The following TRHDE variants were observed in gnomAD, a reference collection of about 807,000 sequenced individuals.
TRHDE encodes thyrotropin-releasing hormone-degrading ectoenzyme.
Under a neutral mutation model 125.7 loss-of-function variants are expected in TRHDE, and 72 were observed. The ratio of observed to expected loss-of-function variants is 0.57; its 90% CI spans 0.47 to 0.70. TRHDE has a LOEUF of 0.70. TRHDE is among the 30% of genes least tolerant of loss of function. TRHDE has a pLI of 0.00. For missense variants in TRHDE, 1,110 were observed against 1,327.1 expected (o/e 0.84, Z 2.54); for synonymous variants, 509 against 509.1 (o/e 1.00, Z 0.00).
At chr12:72,373,338 A>C (rs1488224340) in intron 2 of TRHDE, among the ~76,000 whole-genome samples, 3 of 152,192 alleles carry the variant, frequency 2.0e-5, no homozygotes, top group Non-Finnish European at 4.4e-5. Flanking sequence ...ATCTGCAAAC[A>C]GGGACAATTT....
chr12:72,539,311 A>AG (rs1869027217), intron 6 of TRHDE, among the ~76,000 whole-genome samples: 1 of 151,884 alleles, frequency 6.6e-6, no homozygotes, highest in South Asian at 2.1e-4. Flanking sequence ...ATACCACCTT[A>AG]TTCAATAAGC....
intron 2 of TRHDE, among the ~76,000 whole-genome samples, chr12:72,229,711 G>A (rs576108719): frequency 8.0e-4 from 122 of 152,224 alleles, no homozygotes; most frequent in Non-Finnish European, 1.5e-3. Context: ...ATTAAAATTA[G>A]CTTAACTATT....
intron 2 of TRHDE, among the ~76,000 whole-genome samples, chr12:72,347,709 C>T (rs1210764080): frequency 6.6e-6 from 1 of 152,020 alleles, no homozygotes; most frequent in African/African-American, 2.4e-5. Flanking sequence ...ATGTGATCCT[C>T]TCCATACGGC....
intron 3 of TRHDE, among the ~76,000 whole-genome samples, chr12:72,415,952 C>T (rs915901152): frequency 6.6e-6 from 1 of 151,942 alleles, no homozygotes; most frequent in African/African-American, 2.4e-5. Flanking sequence ...TTTTGAGGCA[C>T]CTCCATACTG....
intron 2 of TRHDE, among the ~76,000 whole-genome samples, chr12:72,166,862 T>G (rs142307540): frequency 6.6e-6 from 1 of 151,882 alleles, no homozygotes; most frequent in African/African-American, 2.4e-5. Context: ...GTGATAAATC[T>G]AATAGTCTAT....
At chr12:72,237,293 A>G (rs1878354375) in intron 2 of TRHDE, among the ~76,000 whole-genome samples, 1 of 152,206 alleles carries the variant, frequency 6.6e-6, no homozygotes, top group South Asian at 2.1e-4. Context: ...TAAAAGATGT[A>G]CAATATTTTG....
intron 2 of TRHDE, among the ~76,000 whole-genome samples, chr12:72,135,549 GTTTT>G (rs202197870): frequency 7.1e-6 from 1 of 140,436 alleles, no homozygotes; most frequent in Non-Finnish European, 1.6e-5. Context: ...GTGTAAACAT[GTTTT>G]TTTTTTTTTT....
At chr12:72,425,694 A>G (rs561916680) in intron 3 of TRHDE, among the ~76,000 whole-genome samples, 1 of 152,060 alleles carries the variant, frequency 6.6e-6, no homozygotes, top group South Asian at 2.1e-4. Flanking sequence ...TGTTTCCAAC[A>G]TATGTTGAAA....
At chr12:72,185,567 A>G (rs927815250) in intron 2 of TRHDE, among the ~76,000 whole-genome samples, 1 of 152,184 alleles carries the variant, frequency 6.6e-6, no homozygotes, top group Non-Finnish European at 1.5e-5. Flanking sequence ...TAAATACACC[A>G]ATCAGCACCC....
At chr12:72,600,140 A>G (rs776796724) in intron 12 of TRHDE, among the ~76,000 whole-genome samples, 7 of 151,726 alleles carry the variant, frequency 4.6e-5, no homozygotes, top group Non-Finnish European at 4.4e-5. Flanking sequence ...GTTTTGGCTT[A>G]CTTACTTAGA....
At chr12:72,458,212 A>C (rs1875953918) in intron 3 of TRHDE, among the ~76,000 whole-genome samples, 1 of 152,234 alleles carries the variant, frequency 6.6e-6, no homozygotes, top group Non-Finnish European at 1.5e-5. Flanking sequence ...ATATTGAATG[A>C]GCAACTAGTA....
chr12:72,364,015 T>C (rs551574208), intron 2 of TRHDE, among the ~76,000 whole-genome samples: 11 of 152,132 alleles, frequency 7.2e-5, no homozygotes, highest in Admixed American at 3.3e-4. Flanking sequence ...TGAACTCCCA[T>C]TCACAATTGC....
intron 2 of TRHDE, among the ~76,000 whole-genome samples, chr12:72,109,798 C>T (rs1254209539): frequency 1.3e-5 from 2 of 152,008 alleles, no homozygotes; most frequent in African/African-American, 4.8e-5. Flanking sequence ...ATTGGCATGA[C>T]TGGTTTAGAT....
chr12:72,298,235 TGTGTGATAG>T (rs1378113243), intron 2 of TRHDE, among the ~76,000 whole-genome samples: 1 of 152,178 alleles, frequency 6.6e-6, no homozygotes, highest in East Asian at 1.9e-4. Context: ...CTTGATAATG[TGTGTGATAG>T]ATTGCATGGT....
intron 12 of TRHDE, among the ~76,000 whole-genome samples, chr12:72,603,664 G>A (rs1007701884): frequency 1.3e-5 from 2 of 152,150 alleles, no homozygotes; most frequent in East Asian, 1.9e-4. Flanking sequence ...GGCGGAGCTT[G>A]CAGTGAGCCG....
intron 2 of TRHDE, among the ~76,000 whole-genome samples, chr12:72,155,714 G>T (rs1415683530): frequency 6.6e-6 from 1 of 152,202 alleles, no homozygotes; most frequent in African/African-American, 2.4e-5. Context: ...ATGGATATTG[G>T]TGAACAGCAA....
At chr12:72,623,630 G>T (rs1873139888) in intron 15 of TRHDE, among the ~76,000 whole-genome samples, 1 of 152,022 alleles carries the variant, frequency 6.6e-6, no homozygotes, top group South Asian at 2.1e-4. Context: ...CTAAGTACAA[G>T]ATAGAGTGTG....
chr12:72,504,575 T>A (rs1466780239), intron 6 of TRHDE, among the ~76,000 whole-genome samples: 1 of 152,208 alleles, frequency 6.6e-6, no homozygotes, highest in Admixed American at 6.5e-5. Context: ...GTGCTGGGAT[T>A]ACAGGCGTGA....
At chr12:72,351,676 T>C (rs1870589298) in intron 2 of TRHDE, among the ~76,000 whole-genome samples, 1 of 151,936 alleles carries the variant, frequency 6.6e-6, no homozygotes, top group Non-Finnish European at 1.5e-5. Context: ...ATCTTTATAA[T>C]TGGTTTCCAT....
Sources: allele counts gnomAD v4.1 joint callset (sites outside exome capture counted in the v4.1 genomes callset), GRCh38; gene constraint gnomAD v4.1.1; transcripts MANE v1.5; gene names NCBI Gene and HGNC (gene_info 2026-07-23, HGNC 2026-07-21).